Variants in HMGCLL1 observed in about 807,000 individuals in gnomAD.
HMGCLL1 encodes 3-hydroxymethyl-3-methylglutaryl-CoA lyase, cytoplasmic.
In HMGCLL1, 36 loss-of-function variants were observed where a neutral mutation model predicts 39.1. The observed-to-expected ratio is 0.92, with a 90% CI of 0.71 to 1.22. The LOEUF (loss-of-function observed/expected upper bound fraction) is 1.22. Among genes scored for constraint, HMGCLL1 ranks in the 50% most tolerant of loss-of-function variants. HMGCLL1 has a pLI of 0.00. For missense variants in HMGCLL1, 451 were observed against 416.5 expected (o/e 1.08, Z -0.72); for synonymous variants, 149 against 144.0 (o/e 1.03, Z -0.25).
intron 7 of HMGCLL1, among the ~76,000 whole-genome samples, chr6:55,489,754 T>A (rs978200240): frequency 6.6e-6 from 1 of 152,084 alleles, no homozygotes; most frequent in Non-Finnish European, 1.5e-5. Flanking sequence ...GGAATTACTA[T>A]AATCACACTA....
intron 1 of HMGCLL1, among the ~76,000 whole-genome samples, chr6:55,561,137 A>G (rs1027519328): frequency 3.9e-5 from 6 of 152,208 alleles, no homozygotes; most frequent in African/African-American, 1.4e-4. Flanking sequence ...AAATATCCCA[A>G]CATACTATAT....
chr6:55,673,058 C>A, the HMGCLL1 span, among the ~76,000 whole-genome samples: 1 of 151,932 alleles, frequency 6.6e-6, no homozygotes, highest in Non-Finnish European at 1.5e-5. Context: ...TTAGCAGAGG[C>A]CTTCAGCTGA....
chr6:55,491,500 T>A (rs376111250), intron 7 of HMGCLL1, among the ~76,000 whole-genome samples: 4 of 152,164 alleles, frequency 2.6e-5, no homozygotes, highest in Non-Finnish European at 5.9e-5. Context: ...AAAGGGCACA[T>A]AGTACTTCAG....
intron 7 of HMGCLL1, among the ~76,000 whole-genome samples, chr6:55,486,524 C>T (rs944747994): frequency 1.1e-4 from 16 of 152,202 alleles, no homozygotes; most frequent in Non-Finnish European, 2.2e-4. Flanking sequence ...GTCTCTGCAT[C>T]TGTTCTCATA....
Position 55,435,528 on chromosome 6 carries a change from T to G in HMGCLL1, c.*134A>C. The G allele has an allele frequency of 2.2e-6, 1 of 463,862 alleles. No homozygotes were observed. Among genetic ancestry groups the G allele is most frequent in the Non-Finnish European group, 3.9e-6 (1 of 257,174 alleles). 28.7% of individuals were successfully genotyped at this position (463,862 alleles called of 1,614,324 possible). A position where few individuals can be genotyped will look rare whatever the true frequency, so the allele number is the denominator to read the frequency against. On this transcript the variant is annotated 3_prime_UTR_variant, in exon 9 of 9. Coordinates refer to ENST00000274901, the MANE Select transcript of HMGCLL1 (RefSeq NM_001042406.2). ...GACTTAATCTATCCAGTTATAATCT[T>G]TTTGAAAAGGATCTCTTTTTTCCCA...
At chr6:55,551,633 G>A (rs1472618613) in intron 1 of HMGCLL1, among the ~76,000 whole-genome samples, 1 of 151,890 alleles carries the variant, frequency 6.6e-6, no homozygotes, top group Non-Finnish European at 1.5e-5. Context: ...AAGATACAGG[G>A]GTGATGGCCT....
the HMGCLL1 span, among the ~76,000 whole-genome samples, chr6:55,677,847 C>A: frequency 6.6e-6 from 1 of 152,280 alleles, no homozygotes; most frequent in South Asian, 2.1e-4. Context: ...TCACATTTAT[C>A]CAATAAAGTA....
chr6:55,547,750 T>C (rs1011122642), intron 1 of HMGCLL1, among the ~76,000 whole-genome samples: 6 of 152,020 alleles, frequency 3.9e-5, no homozygotes, highest in Non-Finnish European at 7.4e-5. Flanking sequence ...TCTATTTTTG[T>C]TGTCTCATTT....
At chr6:55,620,834 T>C in the HMGCLL1 span, among the ~76,000 whole-genome samples, 1 of 152,318 alleles carries the variant, frequency 6.6e-6, no homozygotes, top group South Asian at 2.1e-4. Flanking sequence ...TTTATTCTTC[T>C]CCATATGGTT....
the HMGCLL1 span, among the ~76,000 whole-genome samples, chr6:55,628,482 T>C: frequency 6.6e-6 from 1 of 151,322 alleles, no homozygotes; most frequent in Non-Finnish European, 1.5e-5. Context: ...TTTGTATTTT[T>C]TAGTAGAGAT....
chr6:55,577,025 T>C, intron 1 of HMGCLL1: 2 of 1,607,168 alleles, frequency 1.2e-6, no homozygotes, highest in Non-Finnish European at 1.7e-6. Context: ...AGATTGTCAC[T>C]CAAACTCACA....
At chr6:55,516,054 G>A (rs1767719130) in intron 4 of HMGCLL1, among the ~76,000 whole-genome samples, 1 of 151,956 alleles carries the variant, frequency 6.6e-6, no homozygotes. Context: ...AATAGGGAAA[G>A]TAACTAGAGC....
At chr6:55,443,792 A>G (rs1046955968) in intron 7 of HMGCLL1, among the ~76,000 whole-genome samples, 4 of 152,190 alleles carry the variant, frequency 2.6e-5, no homozygotes, top group African/African-American at 4.8e-5. Context: ...GCATTGAAAT[A>G]GTATAATATA....
intron 5 of HMGCLL1, among the ~76,000 whole-genome samples, chr6:55,504,088 A>G (rs754411001): frequency 4.6e-5 from 7 of 151,764 alleles, no homozygotes; most frequent in Non-Finnish European, 8.8e-5. Context: ...CAAGTTTAGC[A>G]ATCTGTGAAA....
the HMGCLL1 span, among the ~76,000 whole-genome samples, chr6:55,601,779 A>T: frequency 1.3e-5 from 2 of 152,196 alleles, no homozygotes; most frequent in Admixed American, 1.3e-4. Flanking sequence ...GATTTTGAGC[A>T]AATTTCTTCA....
the HMGCLL1 span, among the ~76,000 whole-genome samples, chr6:55,605,472 C>T: frequency 6.6e-6 from 1 of 152,130 alleles, no homozygotes; most frequent in African/African-American, 2.4e-5. Context: ...TTTCTAATTA[C>T]TCTACATAAT....
At chr6:55,608,884 T>G in the HMGCLL1 span, among the ~76,000 whole-genome samples, 19 of 152,128 alleles carry the variant, frequency 1.2e-4, no homozygotes, top group African/African-American at 3.4e-4. Context: ...GTATCCAGGT[T>G]CTGTCATCAG....
chr6:55,497,961 A>G (rs1209035139), intron 6 of HMGCLL1, among the ~76,000 whole-genome samples: 1 of 152,186 alleles, frequency 6.6e-6, no homozygotes, highest in South Asian at 2.1e-4. Flanking sequence ...CACAGTTTGA[A>G]GTAGTAATTT....
chr6:55,580,519 C>T (rs1771962716), upstream of HMGCLL1, among the ~76,000 whole-genome samples: 2 of 145,750 alleles, frequency 1.4e-5, no homozygotes, highest in Admixed American at 1.4e-4. Flanking sequence ...AGGTTCACGC[C>T]ATTCTCCTGC....
Sources: allele counts gnomAD v4.1 joint callset (sites outside exome capture counted in the v4.1 genomes callset), GRCh38; gene constraint gnomAD v4.1.1; transcripts MANE v1.5; gene names NCBI Gene and HGNC (gene_info 2026-07-23, HGNC 2026-07-21).